The following AGBL4 variants were observed in gnomAD, a reference collection of about 807,000 sequenced individuals.
AGBL4 encodes the protein AGBL carboxypeptidase 4, also known as cytosolic carboxypeptidase 6.
In AGBL4, 58 loss-of-function variants were observed where a neutral mutation model predicts 66.4. The ratio of observed to expected loss-of-function variants is 0.87; its 90% confidence interval spans 0.71 to 1.09. AGBL4 has a LOEUF of 1.09. Ranked by LOEUF, AGBL4 falls within the 50% of genes least tolerant of loss-of-function variation. The pLI is 0.00. For synonymous variants in AGBL4, 234 were observed against 222.9 expected, an observed-to-expected ratio of 1.05 and a Z score of -0.44; for missense variants, 579 against 631.0, an observed-to-expected ratio of 0.92 and a Z score of 0.88.
intron 3 of AGBL4, among the ~76,000 whole-genome samples, chr1:49,425,131 A>G (rs1223545089): frequency 6.6e-6 from 1 of 152,222 alleles, no homozygotes; most frequent in African/African-American, 2.4e-5. Flanking sequence ...ACAAGAAAAC[A>G]TGAAATGTTC....
chr1:49,751,048 C>T (rs1371184594), intron 2 of AGBL4, among the ~76,000 whole-genome samples: 4 of 152,192 alleles, frequency 2.6e-5, no homozygotes, highest in Non-Finnish European at 5.9e-5. Flanking sequence ...GATAATTTGA[C>T]TTCCTCTCTT....
intron 2 of AGBL4, among the ~76,000 whole-genome samples, chr1:49,793,962 A>T (rs1644669558): frequency 6.6e-6 from 1 of 151,980 alleles, no homozygotes; most frequent in African/African-American, 2.4e-5. Flanking sequence ...TCTATGTTGA[A>T]AGCTACTGAA....
At chr1:48,697,961 C>T (rs1042407021) in intron 6 of AGBL4, among the ~76,000 whole-genome samples, 6 of 152,238 alleles carry the variant, frequency 3.9e-5, no homozygotes, top group Admixed American at 1.3e-4. Flanking sequence ...AACTGGATCC[C>T]TCAGCCGGAT....
intron 2 of AGBL4, among the ~76,000 whole-genome samples, chr1:49,762,579 AT>A (rs1318775775): frequency 6.6e-6 from 1 of 151,690 alleles, no homozygotes; most frequent in East Asian, 2.0e-4. Flanking sequence ...TGCCCAGCTA[AT>A]TTTTTGTATT....
chr1:49,303,199 TG>T (rs1184951071), intron 3 of AGBL4, among the ~76,000 whole-genome samples: 2 of 152,136 alleles, frequency 1.3e-5, no homozygotes, highest in Non-Finnish European at 2.9e-5. Flanking sequence ...CTGGGTCAAA[TG>T]GTATTTCTGG....
chr1:49,183,808 A>G (rs1351349420), intron 4 of AGBL4, among the ~76,000 whole-genome samples: 1 of 152,206 alleles, frequency 6.6e-6, no homozygotes, highest in Non-Finnish European at 1.5e-5. Context: ...TCCAAGAGTC[A>G]ACTCAAACAC....
At chr1:48,728,914 C>T (rs1196495615) in intron 6 of AGBL4, among the ~76,000 whole-genome samples, 2 of 152,140 alleles carry the variant, frequency 1.3e-5, no homozygotes, top group Non-Finnish European at 2.9e-5. Flanking sequence ...TGTCTCACTG[C>T]TGTGATTACT....
intron 4 of AGBL4, among the ~76,000 whole-genome samples, chr1:49,075,409 T>C (rs960539259): frequency 6.6e-6 from 1 of 152,240 alleles, no homozygotes. Context: ...GTCCAAAAAA[T>C]AAAAATAAAT....
rs966913046 is a variant in AGBL4 at position 49,497,304 on chromosome 1, C to A, written c.282+200009G>T. ...TGTAAAGGTTGAAGATATTTTCTCC[C>A]ATTCCATAGGTTGTCTCTTCACTTT... On this transcript the variant is annotated intron_variant, in intron 3 of 13. Transcript: ENST00000371839. Among the ~76,000 whole-genome samples, 11 of 151,894 alleles carry A rather than the reference C, an allele frequency of 7.2e-5. 1 individual carries two copies. The highest frequency in any genetic ancestry group is 2.7e-4 in the African/African-American group (11 of 41,404).
intron 1 of AGBL4, among the ~76,000 whole-genome samples, chr1:49,893,465 C>T (rs776106773): frequency 3.3e-5 from 5 of 152,184 alleles, no homozygotes; most frequent in Non-Finnish European, 7.3e-5. Context: ...CATTTCTGGA[C>T]CAGTCCTGGG....
intron 3 of AGBL4, among the ~76,000 whole-genome samples, chr1:49,543,371 C>T (rs930143940): frequency 3.3e-5 from 5 of 152,070 alleles, no homozygotes; most frequent in Non-Finnish European, 5.9e-5. Context: ...CCTTACAACC[C>T]TATCCTTTCA....
chr1:49,600,548 C>T (rs1026762045), intron 3 of AGBL4, among the ~76,000 whole-genome samples: 1 of 152,158 alleles, frequency 6.6e-6, no homozygotes, highest in Non-Finnish European at 1.5e-5. Flanking sequence ...ACCGATGGGT[C>T]TTGACTCTTT....
chr1:49,764,831 T>G (rs1230119826), intron 2 of AGBL4, among the ~76,000 whole-genome samples: 1 of 151,534 alleles, frequency 6.6e-6, no homozygotes, highest in Admixed American at 6.6e-5. Flanking sequence ...CCATGGAGAG[T>G]CGCAAAAATA....
At position 48,581,869 on chromosome 1, in the gene AGBL4, G is replaced by T. The variant is rs565028456; in HGVS notation, c.1267+5135C>A. ...GGATTAGGGTCTCAGCGAGAATGAC[G>T]CAAAAGAGAACTCACACCTAGGACT... On this transcript the variant is annotated intron_variant, in intron 11 of 13. Transcript: ENST00000371839. 5.9e-5 allele frequency among the ~76,000 whole-genome samples: 9 copies of T among 152,298 alleles called. No individual in the cohort carries two copies. The East Asian group carries it at 1.3e-3, about 23-fold the overall frequency.
At chr1:48,707,373 C>A (rs969821473) in intron 6 of AGBL4, among the ~76,000 whole-genome samples, 1 of 152,110 alleles carries the variant, frequency 6.6e-6, no homozygotes, top group Admixed American at 6.6e-5. Flanking sequence ...AATTAACCAG[C>A]ACTGGGCAAT....
chr1:49,871,600 T>C (rs1231552070), intron 1 of AGBL4, among the ~76,000 whole-genome samples: 2 of 152,106 alleles, frequency 1.3e-5, no homozygotes, highest in South Asian at 2.1e-4. Context: ...AAAATAGATA[T>C]ATTCAGCTTC....
chr1:48,746,169 CTATATA>C (rs201496506), intron 6 of AGBL4, among the ~76,000 whole-genome samples: 2 of 151,802 alleles, frequency 1.3e-5, no homozygotes, highest in Admixed American at 6.6e-5. Flanking sequence ...AATCAGATAA[CTATATA>C]TATATATTCG....
chr1:49,262,051 C>A (rs1414200498), intron 3 of AGBL4, among the ~76,000 whole-genome samples: 1 of 151,804 alleles, frequency 6.6e-6, no homozygotes, highest in Non-Finnish European at 1.5e-5. Flanking sequence ...GAAAAACAAG[C>A]AATGGGGAAA....
chr1:49,466,065 A>T (rs1646624297), intron 3 of AGBL4, among the ~76,000 whole-genome samples: 1 of 151,882 alleles, frequency 6.6e-6, no homozygotes, highest in Non-Finnish European at 1.5e-5. Context: ...ATTTCACAGC[A>T]ATCCCAGGTT....
Sources: gnomAD v4.1 joint callset for allele counts (sites outside exome capture counted in the v4.1 genomes callset) on GRCh38, gnomAD v4.1.1 for gene constraint, MANE v1.5 for transcripts, NCBI Gene and HGNC (gene_info 2026-07-23, HGNC 2026-07-21) for gene names.